Variants in DCC observed in about 807,000 individuals in gnomAD.
DCC encodes the protein netrin receptor DCC.
A neutral mutation model predicts 172.5 loss-of-function variants in DCC; 58 were observed. The observed-to-expected ratio is 0.34, with a 90% CI of 0.27 to 0.42. The LOEUF (loss-of-function observed/expected upper bound fraction) is 0.42. Ranked by LOEUF, DCC falls within the 10% of genes least tolerant of loss-of-function variation. DCC has a pLI of 1.00. For missense variants in DCC, 1,740 were observed against 1,791.0 expected (o/e 0.97, Z 0.51); for synonymous variants, 709 against 644.5 (o/e 1.10, Z -1.52).
At chr18:53,515,528 A>T (rs925470483) in intron 27 of DCC, among the ~76,000 whole-genome samples, 2 of 147,248 alleles carry the variant, frequency 1.4e-5, no homozygotes, top group Admixed American at 6.9e-5. Context: ...TGCAGACGAC[A>T]TGATTGTATA....
intron 5 of DCC, among the ~76,000 whole-genome samples, chr18:52,961,022 T>G (rs2040833573): frequency 6.6e-6 from 1 of 152,182 alleles, no homozygotes; most frequent in African/African-American, 2.4e-5. Context: ...CTTATGTTAA[T>G]TGAGGGAACT....
rs142720578 is a variant in DCC, at chr18:52,906,285, C to A, written c.654C>A (p.Ala218=). Residue 218 remains alanine (A), a synonymous_variant, in exon 3 of 29, where the codon GCC becomes GCA. Transcript: ENST00000442544. ...GIYRCSARNP[A]SSRTGNEAEV... Reference sequence around the variant, plus strand: ...ACCGATGCTCAGCTCGAAATCCAGCCAGCTCAAGAACAGGAAATGAAGCAG... The same window carrying A: ...ACCGATGCTCAGCTCGAAATCCAGCAAGCTCAAGAACAGGAAATGAAGCAG... The A allele has an allele frequency of 2.5e-4, 405 of 1,614,050 alleles. 5 individuals carry two copies. Among genetic ancestry groups the A allele is most frequent in the South Asian group, 1.0e-3 (91 of 91,082 alleles).
intron 7 of DCC, among the ~76,000 whole-genome samples, chr18:53,142,322 C>T (rs971037867): frequency 2.6e-5 from 4 of 152,192 alleles, no homozygotes; most frequent in African/African-American, 9.6e-5. Context: ...TCGGGTGGTG[C>T]ACATTCTTTT....
Position 52,660,993 on chromosome 18 carries a change from C to T in DCC, c.92-91061C>T, listed in dbSNP as rs143000546. 4.0e-4 allele frequency among the ~76,000 whole-genome samples: 61 copies of T among 152,146 alleles called. No individual in the cohort carries two copies. In the East Asian group the frequency reaches 6.6e-3, roughly 16 times the overall value. On this transcript the variant is annotated intron_variant, in intron 1 of 28. Coordinates refer to ENST00000442544, the MANE Select transcript of DCC (RefSeq NM_005215.4). Reference sequence around the variant, plus strand: ...TAAGTTTACTTCTATACCCTCGATGCCAACAAGACAGGAGGAAATATGGAT... The same window carrying T: ...TAAGTTTACTTCTATACCCTCGATGTCAACAAGACAGGAGGAAATATGGAT...
At position 52,471,163 on chromosome 18, in the gene DCC, C is replaced by A. The variant is rs1988934058; in HGVS notation, c.91+130285C>A. Reference sequence around the variant, plus strand: ...GTAAGGAGTTCAAGACCAGCATGGGCAACATACCAAGACCCCGTCTCTACA... The same window carrying A: ...GTAAGGAGTTCAAGACCAGCATGGGAAACATACCAAGACCCCGTCTCTACA... On this transcript the variant is annotated intron_variant, in intron 1 of 28. Coordinates refer to ENST00000442544, the MANE Select transcript of DCC (RefSeq NM_005215.4). Among the ~76,000 whole-genome samples the A allele has an allele frequency of 2.0e-5, 3 of 152,204 alleles. No homozygotes were observed. The Middle Eastern group carries it at 0.01, about 518-fold the overall frequency.
chr18:53,011,134 A>G (rs899039895), intron 5 of DCC, among the ~76,000 whole-genome samples: 5 of 151,520 alleles, frequency 3.3e-5, no homozygotes, highest in Non-Finnish European at 7.4e-5. Flanking sequence ...CTGAAAGCAA[A>G]AACAAGAGTA....
rs564567658 is a variant in DCC, at chr18:52,409,916, G to A, written c.91+69038G>A. ...GCAGGTCAACAATAGAATCTAAGAC[G>A]TGTCACTGTTGCTCTTTTAAGGGCA... On this transcript the variant is annotated intron_variant, in intron 1 of 28. Coordinates refer to ENST00000442544, the MANE Select transcript of DCC (RefSeq NM_005215.4). Among the ~76,000 whole-genome samples, 88 of 152,230 alleles carry A rather than the reference G, an allele frequency of 5.8e-4. 1 individual carries two copies. Among genetic ancestry groups the A allele is most frequent in the African/African-American group, 1.9e-3 (80 of 41,536 alleles).
chr18:52,855,841 C>T (rs2039045156), intron 2 of DCC, among the ~76,000 whole-genome samples: 1 of 147,380 alleles, frequency 6.8e-6, no homozygotes, highest in Non-Finnish European at 1.5e-5. Context: ...TTTCGGCTCA[C>T]TGCAACCTCT....
rs867994370 is a variant in DCC, at chr18:52,586,101, A to C, written c.92-165953A>C. Among the ~76,000 whole-genome samples, 9 of 151,198 alleles carry C rather than the reference A, an allele frequency of 6.0e-5. No individual in the cohort carries two copies. In the South Asian group the frequency reaches 6.3e-4, roughly 11 times the overall value. ...CCGTCTCAAAAAAAAAAAAAAAAAA[A>C]AAAAAAACAAAAACACTGTCACACC... On this transcript the variant is annotated intron_variant, in intron 1 of 28. Transcript: ENST00000442544.
chr18:52,905,329 C>G (rs1438094070), intron 2 of DCC, among the ~76,000 whole-genome samples: 1 of 152,060 alleles, frequency 6.6e-6, no homozygotes, highest in Non-Finnish European at 1.5e-5. Flanking sequence ...AGATATTACC[C>G]CATTTCATGG....
intron 1 of DCC, among the ~76,000 whole-genome samples, chr18:52,532,558 C>T (rs899673046): frequency 6.6e-6 from 1 of 152,102 alleles, no homozygotes; most frequent in Non-Finnish European, 1.5e-5. Context: ...TTAGATGCTG[C>T]TAATAGGGAG....
At chr18:52,999,649 T>A (rs985628882) in intron 5 of DCC, among the ~76,000 whole-genome samples, 1 of 152,134 alleles carries the variant, frequency 6.6e-6, no homozygotes, top group Non-Finnish European at 1.5e-5. Context: ...GGAAAATAAG[T>A]ATCTTCCCTT....
At chr18:53,174,758 C>A (rs1372046651) in intron 8 of DCC, among the ~76,000 whole-genome samples, 1 of 147,586 alleles carries the variant, frequency 6.8e-6, no homozygotes, top group Non-Finnish European at 1.5e-5. Context: ...CAAGGAGGAA[C>A]TAGTACCATT....
chr18:52,562,708 G>GA (rs945308661), intron 1 of DCC, among the ~76,000 whole-genome samples: 1 of 152,166 alleles, frequency 6.6e-6, no homozygotes, highest in African/African-American at 2.4e-5. Flanking sequence ...TCAGTTGTAT[G>GA]AAAAAATGGT....
rs1469718789 is a variant in DCC, at chr18:53,351,474, A to G, written c.2359+11567A>G. On this transcript the variant is annotated intron_variant, in intron 15 of 28. Transcript: ENST00000442544. ...ATATATATACACAGTGTGTATATAT[A>G]TATATATATATATATAGTGTGTATA... 5.0e-4 allele frequency among the ~76,000 whole-genome samples: 32 copies of G among 64,140 alleles called. 1 individual carries two copies. The highest frequency in any genetic ancestry group is 4.1e-3 in the East Asian group (10 of 2,452). 42.1% of individuals were successfully genotyped at this position (64,140 alleles called of 152,430 possible).
chr18:53,024,646 G>A (rs1256049475), intron 5 of DCC, among the ~76,000 whole-genome samples: 1 of 152,116 alleles, frequency 6.6e-6, no homozygotes, highest in Non-Finnish European at 1.5e-5. Flanking sequence ...ATTCTCTGAT[G>A]ACTGCTTTCT....
At chr18:52,909,643 A>T (rs1328488277) in intron 3 of DCC, among the ~76,000 whole-genome samples, 1 of 152,200 alleles carries the variant, frequency 6.6e-6, no homozygotes. Context: ...TTAAATTCAG[A>T]GTTTAACAAA....
chr18:52,815,814 C>A (rs970702822), intron 2 of DCC, among the ~76,000 whole-genome samples: 1 of 152,108 alleles, frequency 6.6e-6, no homozygotes, highest in African/African-American at 2.4e-5. Context: ...ATATAAATAT[C>A]TTGCAAAAGA....
At chr18:52,427,377 A>G (rs1397346795) in intron 1 of DCC, among the ~76,000 whole-genome samples, 1 of 152,004 alleles carries the variant, frequency 6.6e-6, no homozygotes, top group Admixed American at 6.6e-5. Context: ...TTTTTTTAAA[A>G]TCTTTTAAGA....
Sources: gnomAD v4.1 joint callset for allele counts (sites outside exome capture counted in the v4.1 genomes callset) on GRCh38, gnomAD v4.1.1 for gene constraint, MANE v1.5 for transcripts, NCBI Gene and HGNC (gene_info 2026-07-23, HGNC 2026-07-21) for gene names.